Variants in TBL1Y observed in about 807,000 individuals in gnomAD.
The protein encoded by TBL1Y is F-box-like/WD repeat-containing protein TBL1Y.
TBL1Y carries 15 observed loss-of-function variants against 12.0 expected under a neutral mutation model. The observed-to-expected ratio is 1.25, with a 90% CI of 0.83 to 1.92. The LOEUF is 1.92. Among genes scored for constraint, TBL1Y ranks in the 40% most tolerant of loss-of-function variants. The pLI, the probability that TBL1Y is intolerant of heterozygous loss-of-function variation, is 0.00. For synonymous variants in TBL1Y, 53 were observed against 42.6 expected (o/e 1.24, Z -0.95); for missense variants, 148 against 116.7 (o/e 1.27, Z -1.24).
chrY:6,919,772 C>T (rs2011763461), intron 2 of TBL1Y: 1 of 33,929 alleles, frequency 2.9e-5, no homozygotes, highest in African/African-American at 1.2e-4. Context: ...CTGGACATGG[C>T]AGTAGGAGCC....
intron 2 of TBL1Y, among the ~76,000 whole-genome samples, chrY:6,958,824 G>A (rs1001762178): frequency 8.8e-5 from 3 of 34,074 alleles, no homozygotes; most frequent in East Asian, 7.8e-4. Context: ...ACCATAGGGC[G>A]GTTTTTCTCT....
intron 2 of TBL1Y, among the ~76,000 whole-genome samples, chrY:6,977,914 G>A (rs182352067): frequency 1.8e-4 from 6 of 33,541 alleles, no homozygotes; most frequent in Non-Finnish European, 2.9e-4. Flanking sequence ...GGAGACAGGA[G>A]CACTGTGGCC....
intron 6 of TBL1Y, among the ~76,000 whole-genome samples, chrY:7,040,110 G>C (rs2012714308): frequency 5.8e-5 from 2 of 34,238 alleles, no homozygotes; most frequent in Non-Finnish European, 1.5e-4. Context: ...TCCCCTAGGT[G>C]TTTATGAAAG....
At chrY:7,087,477 A>G in intron 17 of TBL1Y, 45 bp downstream of exon 17, 4 of 374,484 alleles carry the variant, frequency 1.1e-5, no homozygotes, top group Non-Finnish European at 1.5e-5. Context: ...GGGATGCCTG[A>G]ACAGCCACTA....
chrY:7,091,285 A>G (rs2013173309), intron 18 of TBL1Y, among the ~76,000 whole-genome samples, 187 bp from the exon 19 acceptor site: 1 of 33,369 alleles, frequency 3.0e-5, no homozygotes, highest in Admixed American at 2.7e-4. Context: ...GATTGGTCCA[A>G]TGTCCATATG....
At chrY:6,931,457 A>T in intron 2 of TBL1Y, among the ~76,000 whole-genome samples, 1 of 34,237 alleles carries the variant, frequency 2.9e-5, no homozygotes, top group Non-Finnish European at 7.3e-5. Flanking sequence ...TACTATCTAT[A>T]TAATTTATAT....
At chrY:6,999,984 A>AT (rs2012439088) in intron 4 of TBL1Y, among the ~76,000 whole-genome samples, 4 of 31,247 alleles carry the variant, frequency 1.3e-4, no homozygotes, top group Admixed American at 6.0e-4. Context: ...TCAAGATTCC[A>AT]TTTTTTTTCT....
At chrY:6,946,144 G>C in intron 2 of TBL1Y, among the ~76,000 whole-genome samples, 1 of 33,295 alleles carries the variant, frequency 3.0e-5, no homozygotes, top group African/African-American at 1.2e-4. Flanking sequence ...TGTCCAGGTG[G>C]TCTATAATTG....
intron 8 of TBL1Y, among the ~76,000 whole-genome samples, chrY:7,064,791 T>C (rs750395543): frequency 6.0e-5 from 2 of 33,383 alleles, no homozygotes; most frequent in South Asian, 1.4e-3. Flanking sequence ...AGGGTGTGTA[T>C]ATACATGTGT....
At chrY:6,986,044 C>A (rs750603698) in intron 3 of TBL1Y, among the ~76,000 whole-genome samples, 1 of 32,659 alleles carries the variant, frequency 3.1e-5, no homozygotes, top group East Asian at 8.2e-4. Flanking sequence ...TTTCCACGGG[C>A]TGCAAAATCT....
chrY:6,919,541 T>A, intron 2 of TBL1Y: 1 of 34,038 alleles, frequency 2.9e-5, no homozygotes, highest in East Asian at 7.9e-4. Flanking sequence ...TCCCTTACTC[T>A]CTGTGTTCCT....
At chrY:6,930,707 A>G (rs1382416207) in intron 2 of TBL1Y, among the ~76,000 whole-genome samples, 2 of 33,658 alleles carry the variant, frequency 5.9e-5, no homozygotes, top group Non-Finnish European at 1.5e-4. Flanking sequence ...AAGTGCATCA[A>G]TCAGCACTCT....
At chrY:7,010,544 G>A in intron 4 of TBL1Y, among the ~76,000 whole-genome samples, 5 of 34,033 alleles carry the variant, frequency 1.5e-4, no homozygotes, top group Non-Finnish European at 3.6e-4. Context: ...TTATTTAATG[G>A]ACGTAATAAA....
chrY:6,942,744 G>C, intron 2 of TBL1Y, among the ~76,000 whole-genome samples: 1 of 33,186 alleles, frequency 3.0e-5, no homozygotes, highest in Non-Finnish European at 7.4e-5. Context: ...CAGATAAGGG[G>C]AGAAATGGAA....
In TBL1Y at chrY:7,090,123, G is replaced by A; in HGVS notation, c.1481G>A (p.Gly494Asp). 5 of 398,377 alleles carry A rather than the reference G, an allele frequency of 1.3e-5. No homozygotes were observed. The highest frequency in any genetic ancestry group is 1.8e-5 in the Non-Finnish European group (5 of 283,372). ...GSLVHSYQGT[G>D]GIFEVCWNAR... The stretch of plus-strand genomic sequence containing the variant: ...CTCGTCCACAGCTACCAAGGCACTG[G>A]CGGTATCTTCGAGGTGTGCTGGAAC... The change falls in exon 18 of 19, where the codon GGC (glycine) becomes GAC (aspartate). Residue 494 changes from glycine (G) to aspartate (D), a missense_variant. Gly to Asp is a moderately conservative substitution (Grantham distance 94). Transcript: ENST00000383032.
chrY:7,064,529 G>A, intron 8 of TBL1Y, among the ~76,000 whole-genome samples: 1 of 33,584 alleles, frequency 3.0e-5, no homozygotes, highest in Non-Finnish European at 7.3e-5. Flanking sequence ...TGAGTTCATG[G>A]TTCCTGCCGA....
intron 4 of TBL1Y, among the ~76,000 whole-genome samples, chrY:6,996,383 G>A (rs2012411190): frequency 3.0e-5 from 1 of 33,023 alleles, no homozygotes; most frequent in African/African-American, 1.2e-4. Context: ...GTTAAACCAA[G>A]CAAATGTCTG....
At chrY:7,070,696 G>A in intron 9 of TBL1Y, 24 bp from the exon 10 acceptor site, 1 of 398,201 alleles carries the variant, frequency 2.5e-6, no homozygotes, top group South Asian at 3.0e-5. Flanking sequence ...AAATACCGGA[G>A]GCTTCTGTGT....
chrY:6,911,051 G>A (rs2011686944), intron 1 of TBL1Y, 69 bp downstream of exon 1: 1 of 37,239 alleles, frequency 2.7e-5, no homozygotes, highest in Non-Finnish European at 6.5e-5. Context: ...CTGACTCCCT[G>A]CGGTCCTGCC....
Sources: allele counts gnomAD v4.1 joint callset (sites outside exome capture counted in the v4.1 genomes callset), GRCh38; gene constraint gnomAD v4.1.1; transcripts MANE v1.5; gene names NCBI Gene and HGNC (gene_info 2026-07-23, HGNC 2026-07-21).